SPIRE1: variants seen among roughly 807,000 people sequenced by gnomAD.
SPIRE1 encodes the protein spire type actin nucleation factor 1, also known as protein spire homolog 1.
In SPIRE1, 40 loss-of-function variants were observed where a neutral mutation model predicts 94.1. The observed-to-expected ratio is 0.43, with a 90% CI of 0.33 to 0.55. The LOEUF is 0.55. SPIRE1 is among the 20% of genes least tolerant of loss of function. SPIRE1 has a pLI of 0.06. For missense variants in SPIRE1, 838 were observed against 975.2 expected (o/e 0.86, Z 1.87); for synonymous variants, 376 against 371.7 (o/e 1.01, Z -0.13).
chr18:12,583,290 C>T (rs952572083), intron 2 of SPIRE1, among the ~76,000 whole-genome samples: 6 of 151,668 alleles, frequency 4.0e-5, no homozygotes, highest in African/African-American at 1.5e-4. Context: ...TGGGCAACAG[C>T]GGATGATCTC....
chr18:12,486,053 A>G, intron 8 of SPIRE1, 53 bp from the exon 9 acceptor site: 1 of 1,381,900 alleles, frequency 7.2e-7, no homozygotes, highest in Non-Finnish European at 9.9e-7. Flanking sequence ...TGTTAGGAAT[A>G]TACAGAGAGG....
chr18:12,479,581 C>T (rs2143759508), intron 10 of SPIRE1, 118 bp downstream of exon 10: 1 of 934,986 alleles, frequency 1.1e-6, no homozygotes, highest in Admixed American at 2.8e-5. Context: ...CCTAGCTTTA[C>T]TGGTTGAAAA....
chr18:12,650,237 T>C (rs1002884957), intron 1 of SPIRE1, among the ~76,000 whole-genome samples: 3 of 148,790 alleles, frequency 2.0e-5, no homozygotes, highest in Non-Finnish European at 4.5e-5. Flanking sequence ...AGACTCTGTC[T>C]CAAAAAAAAT....
At chr18:12,452,207 A>C (rs1568177653) in intron 16 of SPIRE1, 48 bp downstream of exon 16, 1 of 1,610,898 alleles carries the variant, frequency 6.2e-7, no homozygotes, top group Non-Finnish European at 8.5e-7. Flanking sequence ...CAAGAGTAGA[A>C]CTCTTCTTCT....
intron 5 of SPIRE1, among the ~76,000 whole-genome samples, chr18:12,507,563 GT>G (rs761030846): frequency 1.3e-5 from 2 of 151,930 alleles, no homozygotes; most frequent in Non-Finnish European, 2.9e-5. Context: ...GCTGGGTGTG[GT>G]GGTGTGCGCC....
chr18:12,496,128 T>C (rs1246514137), intron 6 of SPIRE1, 26 bp from the exon 7 acceptor site: 9 of 1,487,722 alleles, frequency 6.0e-6, no homozygotes, highest in African/African-American at 1.4e-5. Flanking sequence ...AAGCAGAAGA[T>C]TCATGTGACT....
At chr18:12,523,478 T>C (rs1213994832) in intron 4 of SPIRE1, among the ~76,000 whole-genome samples, 1 of 152,190 alleles carries the variant, frequency 6.6e-6, no homozygotes, top group African/African-American at 2.4e-5. Context: ...AGTTCTACTG[T>C]GGGTAATGTG....
intron 2 of SPIRE1, among the ~76,000 whole-genome samples, chr18:12,572,441 G>T (rs2035980479): frequency 6.6e-6 from 1 of 151,724 alleles, no homozygotes; most frequent in Non-Finnish European, 1.5e-5. Flanking sequence ...CACCCAGCCT[G>T]TCTCTACACA....
At chr18:12,637,799 G>C (rs560603445) in intron 1 of SPIRE1, among the ~76,000 whole-genome samples, 1 of 152,288 alleles carries the variant, frequency 6.6e-6, no homozygotes, top group South Asian at 2.1e-4. Context: ...ACATCTTTTT[G>C]TACCAGAAAA....
intron 7 of SPIRE1, 91 bp downstream of exon 7, chr18:12,495,925 C>A: frequency 1.0e-6 from 1 of 960,450 alleles, no homozygotes; most frequent in Non-Finnish European, 1.6e-6. Flanking sequence ...GGAAAAACCA[C>A]CTAGGAAAGC....
At chr18:12,570,028 C>G (rs533541995) in intron 2 of SPIRE1, among the ~76,000 whole-genome samples, 1 of 152,218 alleles carries the variant, frequency 6.6e-6, no homozygotes, top group Non-Finnish European at 1.5e-5. Flanking sequence ...GGCAGCCTCA[C>G]TATTGAATAG....
intron 12 of SPIRE1, among the ~76,000 whole-genome samples, chr18:12,461,535 G>A (rs369695022): frequency 3.4e-4 from 25 of 73,996 alleles, no homozygotes; most frequent in South Asian, 1.1e-3. Context: ...TGGTATGTAC[G>A]TACATATGTA....
intron 2 of SPIRE1, among the ~76,000 whole-genome samples, chr18:12,581,788 C>T (rs1026904871): frequency 2.0e-5 from 3 of 151,990 alleles, no homozygotes; most frequent in Non-Finnish European, 4.4e-5. Context: ...CGCTAGAACC[C>T]AGGAGGCAGA....
At chr18:12,574,048 T>G (rs111988137) in intron 2 of SPIRE1, among the ~76,000 whole-genome samples, 12 of 152,322 alleles carry the variant, frequency 7.9e-5, no homozygotes, top group African/African-American at 2.9e-4. Flanking sequence ...CGACTTTTAA[T>G]TTTTAATGTA....
At chr18:12,556,041 A>G (rs574962077) in intron 2 of SPIRE1, among the ~76,000 whole-genome samples, 10 of 152,318 alleles carry the variant, frequency 6.6e-5, no homozygotes, top group Admixed American at 1.3e-4. Context: ...ACAAGCTGAA[A>G]AAGAAATCAA....
intron 2 of SPIRE1, among the ~76,000 whole-genome samples, chr18:12,596,914 T>C (rs7230087): frequency 3.0e-4 from 43 of 145,278 alleles, no homozygotes; most frequent in South Asian, 6.3e-4. Flanking sequence ...GTTTCCTCCT[T>C]CACCTGCACT....
At chr18:12,640,268 A>C (rs2144845110) in intron 1 of SPIRE1, among the ~76,000 whole-genome samples, 1 of 152,318 alleles carries the variant, frequency 6.6e-6, no homozygotes, top group African/African-American at 2.4e-5. Context: ...TTTTAAGATA[A>C]ATGGTTCTCA....
At chr18:12,636,141 C>T (rs1024358322) in intron 1 of SPIRE1, among the ~76,000 whole-genome samples, 1 of 152,140 alleles carries the variant, frequency 6.6e-6, no homozygotes, top group Non-Finnish European at 1.5e-5. Context: ...GATCTGCCTG[C>T]CTCGGCCTCC....
chr18:12,657,662 G>T lies in SPIRE1; in HGVS notation c.205C>A (p.Leu69Met). The T allele has an allele frequency of 7.5e-7, 1 of 1,331,372 alleles. No homozygotes were observed. The highest frequency in any genetic ancestry group is 9.6e-7 in the Non-Finnish European group (1 of 1,038,684). The allele number at this position is 1,331,372 out of a possible 1,614,324, so 82.5% of individuals were successfully genotyped here. The change falls in exon 1 of 17, where the codon CTG (leucine) becomes ATG (methionine). Residue 69 changes from leucine (L) to methionine (M), a missense_variant. Physicochemically the swap from Leu to Met is conservative, Grantham distance 15. This residue lies in a region of SPIRE1 where 193 missense variants were observed against 170.5 expected (regional missense o/e 1.13). Transcript: ENST00000409402. ...WAVCYQCCGS[L>M]RAAARRRQPR... ...TGGCGGCGGCGGGCGGCGGCGCGCAGGGAACCGCAGCACTGGTAGCACACG... is the reference window on the plus strand; with the variant it reads ...TGGCGGCGGCGGGCGGCGGCGCGCATGGAACCGCAGCACTGGTAGCACACG...
Sources: gnomAD v4.1 joint callset for allele counts (sites outside exome capture counted in the v4.1 genomes callset) on GRCh38, gnomAD v4.1.1 for gene constraint, gnomAD v4.1.1 regional missense constraint, MANE v1.5 for transcripts, NCBI Gene and HGNC (gene_info 2026-07-23, HGNC 2026-07-21) for gene names.